FBXL7: variants seen among roughly 807,000 people sequenced by gnomAD.
The protein encoded by FBXL7 is F-box/LRR-repeat protein 7.
FBXL7 carries 12 observed loss-of-function variants against 38.3 expected under a neutral mutation model. That is an observed-to-expected ratio of 0.31 (90% CI 0.20 to 0.51). The LOEUF (loss-of-function observed/expected upper bound fraction) is 0.51. FBXL7 is among the 20% of genes least tolerant of loss of function. The pLI is 0.98. For synonymous variants in FBXL7, 297 were observed against 300.9 expected (o/e 0.99, Z 0.13); for missense variants, 567 against 676.4 (o/e 0.84, Z 1.79).
intron 2 of FBXL7, among the ~76,000 whole-genome samples, chr5:15,731,204 G>A (rs905358460): frequency 6.6e-5 from 10 of 152,128 alleles, no homozygotes; most frequent in African/African-American, 1.9e-4. Context: ...CTGTTTTCAC[G>A]CTGCTGATAA....
intron 2 of FBXL7, among the ~76,000 whole-genome samples, chr5:15,853,652 C>T (rs977699787): frequency 1.3e-5 from 2 of 152,104 alleles, no homozygotes; most frequent in Non-Finnish European, 2.9e-5. Context: ...CCCAGGCAGG[C>T]AGGTGGATGC....
At chr5:15,608,377 C>T (rs192390427) in intron 1 of FBXL7, among the ~76,000 whole-genome samples, 9 of 152,104 alleles carry the variant, frequency 5.9e-5, no homozygotes, top group Non-Finnish European at 1.2e-4. Context: ...ATGGTTGACA[C>T]AAGAGTGCTT....
intron 2 of FBXL7, among the ~76,000 whole-genome samples, chr5:15,719,504 G>A (rs1744136826): frequency 6.7e-6 from 1 of 148,530 alleles, no homozygotes. Context: ...CGCCAGTCTG[G>A]GAATAAAGTC....
chr5:15,574,803 T>G (rs1186216177), intron 1 of FBXL7, among the ~76,000 whole-genome samples: 1 of 152,190 alleles, frequency 6.6e-6, no homozygotes, highest in African/African-American at 2.4e-5. Flanking sequence ...ATACTAGTGC[T>G]TGTTGATGTA....
chr5:15,708,862 A>C (rs1237691627), intron 2 of FBXL7, among the ~76,000 whole-genome samples: 1 of 152,178 alleles, frequency 6.6e-6, no homozygotes, highest in Non-Finnish European at 1.5e-5. Context: ...ACAGTATTGG[A>C]ATATTTGAAT....
chr5:15,767,153 C>G (rs560592974), intron 2 of FBXL7, among the ~76,000 whole-genome samples: 15 of 152,176 alleles, frequency 9.9e-5, no homozygotes, highest in Non-Finnish European at 1.9e-4. Flanking sequence ...CTGATGCTCT[C>G]CCTTCTCCTA....
At chr5:15,776,023 G>A (rs1188047692) in intron 2 of FBXL7, among the ~76,000 whole-genome samples, 1 of 152,008 alleles carries the variant, frequency 6.6e-6, no homozygotes, top group Admixed American at 6.6e-5. Context: ...GCGGCAACAT[G>A]TCATGAGTTT....
At chr5:15,905,887 T>G (rs1741346389) in intron 2 of FBXL7, among the ~76,000 whole-genome samples, 1 of 142,008 alleles carries the variant, frequency 7.0e-6, no homozygotes, top group Non-Finnish European at 1.5e-5. Flanking sequence ...ACCCCACCCA[T>G]GTCACAATGT....
rs1175008532 is a variant in FBXL7, at chr5:15,824,345, C to A, written c.128-103545C>A. The stretch of plus-strand genomic sequence containing the variant: ...CGTGGACCATTTTCACTGGCAGTTT[C>A]CCAAATGCATTTTGAAAATGTGTTG... On this transcript the variant is annotated intron_variant, in intron 2 of 3. Transcript: ENST00000504595. 2.0e-5 allele frequency among the ~76,000 whole-genome samples: 3 copies of A among 150,822 alleles called. No individual in the cohort carries two copies. The East Asian group carries it at 5.9e-4, about 30-fold the overall frequency.
At chr5:15,817,590 G>C (rs1264789957) in intron 2 of FBXL7, among the ~76,000 whole-genome samples, 1 of 152,114 alleles carries the variant, frequency 6.6e-6, no homozygotes, top group African/African-American at 2.4e-5. Flanking sequence ...GGTCCCAGTG[G>C]GGGGTAATTG....
intron 1 of FBXL7, among the ~76,000 whole-genome samples, chr5:15,533,383 G>A (rs1737482537): frequency 6.6e-6 from 1 of 152,192 alleles, no homozygotes; most frequent in Non-Finnish European, 1.5e-5. Flanking sequence ...AGAGGGCATG[G>A]TGTGTGGTTA....
At chr5:15,801,634 A>AGTGTGTGTGTGTGTGTGTGT (rs71605509) in intron 2 of FBXL7, among the ~76,000 whole-genome samples, 3 of 147,696 alleles carry the variant, frequency 2.0e-5, no homozygotes, top group African/African-American at 7.6e-5. Flanking sequence ...AGGGGGAGTC[A>AGTGTGTGTGTGTGTGTGTGT]GTGTGTGTGT....
intron 2 of FBXL7, among the ~76,000 whole-genome samples, chr5:15,653,396 A>G (rs1299567941): frequency 6.6e-6 from 1 of 152,192 alleles, no homozygotes; most frequent in East Asian, 1.9e-4. Context: ...AGTTTCTACT[A>G]TTACCCACAG....
At chr5:15,836,516 A>T (rs1412615479) in intron 2 of FBXL7, among the ~76,000 whole-genome samples, 3 of 152,126 alleles carry the variant, frequency 2.0e-5, no homozygotes, top group Admixed American at 2.0e-4. Context: ...TGGAATAAAG[A>T]TTTGCATGAG....
intron 1 of FBXL7, among the ~76,000 whole-genome samples, chr5:15,537,928 C>G (rs1737633457): frequency 1.3e-5 from 2 of 152,260 alleles, no homozygotes; most frequent in South Asian, 4.1e-4. Flanking sequence ...AAAAGGGCCT[C>G]ATTTGTATCA....
chr5:15,675,293 C>T (rs904864039), intron 2 of FBXL7, among the ~76,000 whole-genome samples: 7 of 152,106 alleles, frequency 4.6e-5, no homozygotes, highest in African/African-American at 1.7e-4. Flanking sequence ...TTAAGAAATC[C>T]TGTAATGCAA....
rs71595946 is a variant in FBXL7, at chr5:15,723,982, C to T, written c.127+107910C>T. On this transcript the variant is annotated intron_variant, in intron 2 of 3. Transcript: ENST00000504595. ...TTCATATTTGGAAGGGCAATCCCCT[C>T]AGTTTTCTTCTTCAGGAATGTGTTG... Among the ~76,000 whole-genome samples, 1,184 of 152,262 alleles carry T rather than the reference C, an allele frequency of 7.8e-3. 7 individuals carry two copies. Among genetic ancestry groups the T allele is most frequent in the Non-Finnish European group, 0.011 (761 of 68,014 alleles).
At chr5:15,524,140 C>T (rs1737184656) in intron 1 of FBXL7, among the ~76,000 whole-genome samples, 1 of 151,570 alleles carries the variant, frequency 6.6e-6, no homozygotes, top group South Asian at 2.1e-4. Flanking sequence ...CTTTTTTTTC[C>T]CCATCTGTCC....
chr5:15,812,791 TTC>T (rs1171440356), intron 2 of FBXL7, among the ~76,000 whole-genome samples: 1 of 152,178 alleles, frequency 6.6e-6, no homozygotes, highest in Non-Finnish European at 1.5e-5. Flanking sequence ...TTTGTTTGTG[TTC>T]TCTCTTATTT....
Sources: allele counts gnomAD v4.1 joint callset (sites outside exome capture counted in the v4.1 genomes callset), GRCh38; gene constraint gnomAD v4.1.1; transcripts MANE v1.5; gene names NCBI Gene and HGNC (gene_info 2026-07-23, HGNC 2026-07-21).